Variants in FAM210B observed in about 807,000 individuals in gnomAD.
The protein encoded by FAM210B is family with sequence similarity 210 member B.
In FAM210B, 11 loss-of-function variants were observed where a neutral mutation model predicts 14.9. The observed-to-expected ratio is 0.74, with a 90% CI of 0.46 to 1.22. FAM210B has a LOEUF of 1.22. Ranked by LOEUF, FAM210B falls within the 50% of genes most tolerant of loss-of-function variation. FAM210B has a pLI of 0.00. For synonymous variants in FAM210B, 113 were observed against 110.2 expected (o/e 1.03, Z -0.16); for missense variants, 229 against 250.1 (o/e 0.92, Z 0.57).
chr20:56,366,141 G>A lies in FAM210B; in HGVS notation c.433G>A (p.Ala145Thr). 1 of 1,614,190 alleles carries A rather than the reference G, an allele frequency of 6.2e-7. No individual in the cohort carries two copies. The highest frequency in any genetic ancestry group is 8.5e-7 in the Non-Finnish European group (1 of 1,180,040). ...GTCCCTGGTACAGTCAAAAATGGCA[G>A]CAGGCACAAGTACCTTCGTGGTGGC... ...KESLVQSKMA[A>T]GTSTFVVAYA... Residue 145 changes from alanine to threonine, a missense_variant, in exon 3 of 3, where the codon GCA becomes ACA. Physicochemically the swap from Ala to Thr is moderately conservative, Grantham distance 58 (BLOSUM62 0). Coordinates refer to ENST00000371384, the MANE Select transcript of FAM210B (RefSeq NM_080821.3).
Position 56,362,909 on chromosome 20 carries a change from G to A in FAM210B, c.187-2178G>A, listed in dbSNP as rs1439832995. Among the ~76,000 whole-genome samples, 3 of 152,250 alleles carry A rather than the reference G, an allele frequency of 2.0e-5. No homozygotes were observed. The highest frequency in any genetic ancestry group is 2.9e-5 in the Non-Finnish European group (2 of 68,044). On this transcript the variant is annotated intron_variant, in intron 1 of 2. Coordinates refer to ENST00000371384, the MANE Select transcript of FAM210B (RefSeq NM_080821.3). The surrounding 1 kb of genome is among the most constrained non-coding windows in gnomAD (Gnocchi z 4.8). ...CAAGGGCATGGGTGTTTGGCCCTGC[G>A]AGGGGCTGTAGGTGGCCTCCTATCA...
rs555129483 is a variant in FAM210B at position 56,360,354 on chromosome 20, C to T, written c.186+1163C>T. 28 of 422,990 alleles carry T rather than the reference C, an allele frequency of 6.6e-5. No individual in the cohort carries two copies. In the East Asian group the frequency reaches 1.1e-3, roughly 16 times the overall value. The allele number at this position is 422,990 out of a possible 1,614,324, so 26.2% of individuals were successfully genotyped here. ...TGCCTCCACTGGGCCTGCTTCCACC[C>T]CATGGCTGTGGGTCTTCTCTGCACT... On this transcript the variant is annotated intron_variant, in intron 1 of 2. Transcript: ENST00000371384.
intron 2 of FAM210B, among the ~76,000 whole-genome samples, chr20:56,365,803 G>A (rs1040078365): frequency 2.6e-5 from 4 of 151,484 alleles, no homozygotes; most frequent in Admixed American, 6.6e-5. Flanking sequence ...GCGTCAGGCC[G>A]ATTGTATGTT....
chr20:56,359,221 G>A lies in FAM210B; in HGVS notation c.186+30G>A. On this transcript the variant is annotated intron_variant, in intron 1 of 2. Transcript: ENST00000371384. This position sits in a 1 kb window ranked among gnomAD's most constrained non-coding sequence, Gnocchi z 4.3. ...GCACCCCACCCCGACCCTGATCCCG[G>A]GCGGTGTCCAGGTCCCCAGACGTCC... is the stretch of plus-strand genomic sequence containing the variant. The A allele has an allele frequency of 8.2e-7, 1 of 1,223,488 alleles. No individual in the cohort carries two copies. The highest frequency in any genetic ancestry group is 1.0e-6 in the Non-Finnish European group (1 of 983,488). The allele number at this position is 1,223,488 out of a possible 1,614,324, so 75.8% of individuals were successfully genotyped here.
At position 56,359,022 on chromosome 20, in the gene FAM210B, C is replaced by T. The variant is rs1010505617; in HGVS notation, c.17C>T (p.Ala6Val). MAGLL[A>V]LLGPAGRVGA... ...CTGCGCACCATGGCCGGGTTGCTGGCGTTGCTGGGTCCGGCAGGCAGGGTG... is the reference window on the plus strand; with the variant it reads ...CTGCGCACCATGGCCGGGTTGCTGGTGTTGCTGGGTCCGGCAGGCAGGGTG... The change falls in exon 1 of 3, where the codon GCG becomes GTG. Residue 6 changes from alanine to valine, a missense_variant. Transcript: ENST00000371384. This position sits in a 1 kb window ranked among gnomAD's most constrained non-coding sequence, Gnocchi z 4.3. 2.5e-5 allele frequency: 33 copies of T among 1,337,818 alleles called. No homozygotes were observed. Among genetic ancestry groups the T allele is most frequent in the Non-Finnish European group, 3.2e-5 (33 of 1,038,372 alleles). The allele number at this position is 1,337,818 out of a possible 1,614,324, so 82.9% of individuals were successfully genotyped here.
chr20:56,360,937 G>A (rs999641767), intron 1 of FAM210B, among the ~76,000 whole-genome samples: 1 of 152,246 alleles, frequency 6.6e-6, no homozygotes, highest in Admixed American at 6.5e-5. Flanking sequence ...GGAGGTAGGA[G>A]TGTGCTGCCC....
At chr20:56,361,365 TC>T (rs1228773572) in intron 1 of FAM210B, among the ~76,000 whole-genome samples, 1 of 152,156 alleles carries the variant, frequency 6.6e-6, no homozygotes, top group African/African-American at 2.4e-5. Context: ...GTCCCTGCCT[TC>T]CCATAAGACC....
At chr20:56,360,118 G>T (rs188626559) in intron 1 of FAM210B, 10 of 459,116 alleles carry the variant, frequency 2.2e-5, no homozygotes, top group Non-Finnish European at 3.1e-5. Context: ...GAGCGGATGG[G>T]GATTGGACCC....
At chr20:56,360,423 T>A (rs1430990866) in intron 1 of FAM210B, 1 of 353,458 alleles carries the variant, frequency 2.8e-6, no homozygotes, top group Non-Finnish European at 5.7e-6. Flanking sequence ...CACATTGACC[T>A]TGTCCCCAGC....
rs575667548 is a variant in FAM210B at position 56,365,130 on chromosome 20, G to A, written c.230G>A (p.Cys77Tyr). The change falls in exon 2 of 3, where the codon TGC becomes TAC. Residue 77 changes from cysteine to tyrosine, a missense_variant. This residue lies in a region of FAM210B where 144 missense variants were observed against 132.5 expected (regional missense o/e 1.09). Coordinates refer to ENST00000371384, the MANE Select transcript of FAM210B (RefSeq NM_080821.3). Reference protein sequence around the residue: ...ATGTTGSSVSCTEEKKQSKSQ... With the variant: ...ATGTTGSSVSYTEEKKQSKSQ... ...GGGACAACAGGCAGCAGCGTCAGCTGCACAGAGGAGAAAAAGCAAAGCAAG... is the reference window on the plus strand; with the variant it reads ...GGGACAACAGGCAGCAGCGTCAGCTACACAGAGGAGAAAAAGCAAAGCAAG... The A allele has an allele frequency of 6.2e-7, 1 of 1,613,988 alleles. No individual in the cohort carries two copies. Among genetic ancestry groups the A allele is most frequent in the African/African-American group, 1.3e-5 (1 of 75,034 alleles).
Position 56,359,127 on chromosome 20 carries a change from TG to T in FAM210B, c.123del (p.Leu42SerfsTer5). The stretch of plus-strand genomic sequence containing the variant: ...GCCCCGCCGCCCCTGGCCCTGGCCC[TG>T]CTCCCGCCCAGGCTAGACGCCCGGC... ...PCAPPPLALALLPPRLDARLL... is the reference protein window; with the variant it reads ...PCAPPPLALAXLPPRLDARLL... On this transcript the variant is annotated frameshift_variant, in exon 1 of 3. Coordinates refer to ENST00000371384, the MANE Select transcript of FAM210B (RefSeq NM_080821.3). LOFTEE classifies it high-confidence loss of function. The surrounding 1 kb of genome is among the most constrained non-coding windows in gnomAD (Gnocchi z 4.3). 7.7e-7 allele frequency: 1 copy of T among 1,293,810 alleles called. No homozygotes were observed. Among genetic ancestry groups the T allele is most frequent in the South Asian group, 2.5e-5 (1 of 40,326 alleles). The allele number at this position is 1,293,810 out of a possible 1,614,324, so 80.1% of individuals were successfully genotyped here.
chr20:56,361,388 G>A (rs540132570), intron 1 of FAM210B, among the ~76,000 whole-genome samples: 3 of 152,228 alleles, frequency 2.0e-5, no homozygotes, highest in Admixed American at 6.5e-5. Context: ...TAAGCTCATC[G>A]AGGGTGGGGT....
chr20:56,365,157 C>T lies in FAM210B; in HGVS notation c.257C>T (p.Ser86Leu). ...SCTEEKKQSK[S>L]QQLKKIFQEY... ...ACAGAGGAGAAAAAGCAAAGCAAGTCACAGCAACTGAAAAAGATTTTTCAA... is the reference window on the plus strand; with the variant it reads ...ACAGAGGAGAAAAAGCAAAGCAAGTTACAGCAACTGAAAAAGATTTTTCAA... The change falls in exon 2 of 3, where the codon TCA becomes TTA. Residue 86 changes from serine (S) to leucine (L), a missense_variant. Coordinates refer to ENST00000371384, the MANE Select transcript of FAM210B (RefSeq NM_080821.3). 1 of 1,614,160 alleles carries T rather than the reference C, an allele frequency of 6.2e-7. No individual in the cohort carries two copies.
rs1983698547 is a variant in FAM210B, at chr20:56,368,430, G to A, written c.*2143G>A. The A allele has an allele frequency of 1.3e-5, 2 of 152,202 alleles. No homozygotes were observed. The highest frequency in any genetic ancestry group is 6.5e-5 in the Admixed American group (1 of 15,276). The allele number at this position is 152,202 out of a possible 1,614,324, so 9.4% of individuals were successfully genotyped here. A position where few individuals can be genotyped will look rare whatever the true frequency, so the allele number is the denominator to read the frequency against. On this transcript the variant is annotated 3_prime_UTR_variant, in exon 3 of 3. Transcript: ENST00000371384. ...TAGGAGTAACAGGAGCGTGCTGAGCGGGCAAGCAATAAAACAAATCATACC... is the reference window on the plus strand; with the variant it reads ...TAGGAGTAACAGGAGCGTGCTGAGCAGGCAAGCAATAAAACAAATCATACC...
At chr20:56,361,690 G>A (rs1226081982) in intron 1 of FAM210B, among the ~76,000 whole-genome samples, 2 of 152,160 alleles carry the variant, frequency 1.3e-5, no homozygotes, top group African/African-American at 2.4e-5. Flanking sequence ...TAAAATTAGA[G>A]ATGAGGCCGG....
intron 1 of FAM210B, among the ~76,000 whole-genome samples, chr20:56,364,658 C>T (rs191849043): frequency 3.3e-5 from 5 of 152,282 alleles, no homozygotes; most frequent in African/African-American, 7.2e-5. Flanking sequence ...GGCTCAAACT[C>T]GGCTCACTGA....
Position 56,359,138 on chromosome 20 carries a change from A to T in FAM210B, c.133A>T (p.Arg45Trp). The change falls in exon 1 of 3, where the codon AGG (arginine) becomes TGG (tryptophan). Residue 45 changes from arginine to tryptophan, a missense_variant. Physicochemically the swap from Arg to Trp is moderately radical, Grantham distance 101 (BLOSUM62 -3). Around this residue, in one of 3 missense-constraint regions of FAM210B, gnomAD observed 144 missense variants for 132.5 expected, o/e 1.09. Coordinates refer to ENST00000371384, the MANE Select transcript of FAM210B (RefSeq NM_080821.3). The surrounding 1 kb of genome is among the most constrained non-coding windows in gnomAD (Gnocchi z 4.3). ...PPLALALLPP[R>W]LDARLLRTAR... is the part of the protein sequence containing the mutation. ...CCTGGCCCTGGCCCTGCTCCCGCCCAGGCTAGACGCCCGGCTGCTCCGCAC... is the reference window on the plus strand; with the variant it reads ...CCTGGCCCTGGCCCTGCTCCCGCCCTGGCTAGACGCCCGGCTGCTCCGCAC... The T allele has an allele frequency of 7.9e-7, 1 of 1,266,568 alleles. No homozygotes were observed. The highest frequency in any genetic ancestry group is 9.9e-7 in the Non-Finnish European group (1 of 1,012,928). The allele number at this position is 1,266,568 out of a possible 1,614,324, so 78.5% of individuals were successfully genotyped here. A position where few individuals can be genotyped will look rare whatever the true frequency, so the allele number is the denominator to read the frequency against.
Position 56,368,311 on chromosome 20 carries a change from T to A in FAM210B, c.*2024T>A, listed in dbSNP as rs1477854794. The A allele has an allele frequency of 2.7e-5, 4 of 148,184 alleles. No homozygotes were observed. The highest frequency in any genetic ancestry group is 1.0e-4 in the African/African-American group (4 of 38,936). The allele number at this position is 148,184 out of a possible 1,614,324, so 9.2% of individuals were successfully genotyped here. On this transcript the variant is annotated 3_prime_UTR_variant, in exon 3 of 3. Transcript: ENST00000371384. Reference sequence around the variant, plus strand: ...TTTCTATGCCAGTCTCCCATTTATGTCCCTAGTAATGCCTATGCAAAAAAA... The same window carrying A: ...TTTCTATGCCAGTCTCCCATTTATGACCCTAGTAATGCCTATGCAAAAAAA...
chr20:56,365,994 TA>T, intron 2 of FAM210B, 76 bp from the exon 3 acceptor site: 1 of 955,160 alleles, frequency 1.0e-6, no homozygotes, highest in Admixed American at 2.6e-5. Context: ...TAAAATACTG[TA>T]AATCTTATAG....
Sources: gnomAD v4.1 joint callset for allele counts (sites outside exome capture counted in the v4.1 genomes callset) on GRCh38, gnomAD v4.1.1 for gene constraint, gnomAD v4.1.1 regional missense constraint, Gnocchi (gnomAD v3.1) non-coding constraint, MANE v1.5 for transcripts, NCBI Gene and HGNC (gene_info 2026-07-23, HGNC 2026-07-21) for gene names.